Variants in ALK observed in about 807,000 individuals in gnomAD.
The protein encoded by ALK is ALK receptor tyrosine kinase, also known as ALK tyrosine kinase receptor.
A neutral mutation model predicts 163.1 loss-of-function variants in ALK; 74 were observed. That is an observed-to-expected ratio of 0.45 (90% CI 0.38 to 0.55). The LOEUF (loss-of-function observed/expected upper bound fraction) is 0.55. Ranked by LOEUF, ALK falls within the 20% of genes least tolerant of loss-of-function variation. The pLI is 0.00. For synonymous variants in ALK, 960 were observed against 843.2 expected (o/e 1.14, Z -2.40); for missense variants, 2,063 against 2,105.3 (o/e 0.98, Z 0.39).
chr2:29,682,094 A>G (rs553311269), intron 3 of ALK, among the ~76,000 whole-genome samples: 18 of 152,348 alleles, frequency 1.2e-4, no homozygotes, highest in African/African-American at 2.4e-4. Flanking sequence ...ATGTCAGCCA[A>G]TCTTGCTGGT....
chr2:29,824,831 G>A (rs1439519045), intron 1 of ALK, among the ~76,000 whole-genome samples: 4 of 152,208 alleles, frequency 2.6e-5, no homozygotes, highest in Non-Finnish European at 5.9e-5. Flanking sequence ...AATGGATTAA[G>A]ATTTTGGGGG....
chr2:29,328,246 A>G, intron 6 of ALK, 104 bp downstream of exon 6: 1 of 1,533,546 alleles, frequency 6.5e-7, no homozygotes, highest in South Asian at 1.1e-5. Flanking sequence ...GTGTCAGTGG[A>G]TATCAGGAAG....
intron 5 of ALK, among the ~76,000 whole-genome samples, chr2:29,336,887 T>A (rs1411626573): frequency 6.6e-6 from 1 of 152,102 alleles, no homozygotes; most frequent in East Asian, 1.9e-4. Context: ...GAAATTTGAG[T>A]GCTGCTTCAG....
intron 1 of ALK, among the ~76,000 whole-genome samples, chr2:29,910,928 C>A (rs550650981): frequency 4.3e-4 from 66 of 152,240 alleles, no homozygotes; most frequent in African/African-American, 1.3e-3. Flanking sequence ...CCCACAAAGT[C>A]CTGTTCATCC....
At chr2:29,384,006 G>T in intron 4 of ALK, 147 bp from the exon 5 acceptor site, 2 of 957,586 alleles carry the variant, frequency 2.1e-6, no homozygotes, top group Non-Finnish European at 3.3e-6. Flanking sequence ...AAGTGGCACT[G>T]AGGACAGTGA....
At chr2:29,376,365 T>G (rs1668752780) in intron 5 of ALK, among the ~76,000 whole-genome samples, 2 of 152,212 alleles carry the variant, frequency 1.3e-5, no homozygotes, top group African/African-American at 2.4e-5. Context: ...CACAAACCCT[T>G]ACAACCCTTA....
rs2148289579 is a variant in ALK, at chr2:29,694,855, G to C, written c.947C>G (p.Pro316Arg). The change falls in exon 3 of 29, where the codon CCC (proline) becomes CGC (arginine). Residue 316 changes from proline (P) to arginine (R), a missense_variant. Pro to Arg is a moderately radical substitution (Grantham distance 103, BLOSUM62 -2). Transcript: ENST00000389048. ...ACCAGCAGCCTCTCCCTTACCTCTG[G>C]GCATCTCCTTAGAACGCTCTGCCCC... The part of the protein sequence containing the change: ...GPGAERSKEM[P>R]RGSFLLLNTS... 6.2e-7 allele frequency: 1 copy of C among 1,613,754 alleles called. No individual in the cohort carries two copies. Among genetic ancestry groups the C allele is most frequent in the Non-Finnish European group, 8.5e-7 (1 of 1,179,992 alleles).
chr2:29,450,546 T>C (rs1048525483), intron 4 of ALK, among the ~76,000 whole-genome samples: 7 of 152,042 alleles, frequency 4.6e-5, no homozygotes, highest in South Asian at 4.2e-4. Context: ...AGAGGGTAGA[T>C]AGATTAAGCT....
chr2:29,727,306 A>G (rs558688176), intron 1 of ALK, among the ~76,000 whole-genome samples: 107 of 152,254 alleles, frequency 7.0e-4, no homozygotes, highest in Non-Finnish European at 1.3e-3. Context: ...ATCCCTCTTT[A>G]TCTACTTGTC....
At chr2:29,650,562 C>T (rs561063303) in intron 3 of ALK, among the ~76,000 whole-genome samples, 1 of 152,204 alleles carries the variant, frequency 6.6e-6, no homozygotes, top group African/African-American at 2.4e-5. Flanking sequence ...TCCTTTAACA[C>T]TGCCTTTAGT....
intron 4 of ALK, among the ~76,000 whole-genome samples, chr2:29,392,797 T>C (rs898935225): frequency 6.6e-6 from 1 of 152,236 alleles, no homozygotes; most frequent in Non-Finnish European, 1.5e-5. Context: ...CTAATTTGCT[T>C]GCTGGATTAG....
chr2:29,551,111 C>T (rs1267399827), intron 3 of ALK, among the ~76,000 whole-genome samples: 1 of 152,208 alleles, frequency 6.6e-6, no homozygotes, highest in South Asian at 2.1e-4. Context: ...AGTTTAAAAA[C>T]CTTAAACTGT....
chr2:29,893,693 G>A (rs1392465562), intron 1 of ALK, among the ~76,000 whole-genome samples: 2 of 152,096 alleles, frequency 1.3e-5, no homozygotes, highest in East Asian at 3.9e-4. Context: ...GCTTCCAGAT[G>A]ACTCAGTTAC....
intron 3 of ALK, among the ~76,000 whole-genome samples, chr2:29,595,683 A>G (rs1675193544): frequency 6.6e-6 from 1 of 152,192 alleles, no homozygotes; most frequent in Non-Finnish European, 1.5e-5. Context: ...CCTCTCAATA[A>G]AAACACATGG....
intron 3 of ALK, among the ~76,000 whole-genome samples, chr2:29,651,602 A>T (rs897287215): frequency 1.3e-5 from 2 of 152,316 alleles, no homozygotes; most frequent in Non-Finnish European, 1.5e-5. Flanking sequence ...GAGTCACCCA[A>T]TTCAAAGGCT....
chr2:29,581,973 C>T (rs1460384451), intron 3 of ALK, among the ~76,000 whole-genome samples: 1 of 152,200 alleles, frequency 6.6e-6, no homozygotes, highest in Non-Finnish European at 1.5e-5. Context: ...GGCCATGGCA[C>T]AATCCTGCCT....
Position 29,275,373 on chromosome 2 carries a change from ACAGAGTGCTGGGGT to A in ALK, c.1912+15_1912+28del. 6.2e-7 allele frequency: 1 copy of A among 1,612,694 alleles called. No homozygotes were observed. Among genetic ancestry groups the A allele is most frequent in the Non-Finnish European group, 8.5e-7 (1 of 1,178,862 alleles). On this transcript the variant is annotated intron_variant, in intron 10 of 28. Transcript: ENST00000389048. ...GGCCATGGGCCATGGGGGTTGGGGG[ACAGAGTGCTGGGGT>A]CAGAGTGAACTCACTGGTGAGGTAG...
intron 3 of ALK, among the ~76,000 whole-genome samples, chr2:29,569,502 C>T (rs958604730): frequency 1.3e-5 from 2 of 152,100 alleles, no homozygotes; most frequent in Non-Finnish European, 2.9e-5. Context: ...TGGGAAAGTA[C>T]CTAACACAGA....
At chr2:29,849,820 G>A (rs546421917) in intron 1 of ALK, among the ~76,000 whole-genome samples, 62 of 152,180 alleles carry the variant, frequency 4.1e-4, no homozygotes, top group African/African-American at 1.4e-3. Context: ...AGAGGAGAGG[G>A]GAGGAGGGAG....
Sources: allele counts gnomAD v4.1 joint callset (sites outside exome capture counted in the v4.1 genomes callset), GRCh38; gene constraint gnomAD v4.1.1; transcripts MANE v1.5; gene names NCBI Gene and HGNC (gene_info 2026-07-23, HGNC 2026-07-21).